The following PARVG variants were observed in gnomAD, a reference collection of about 807,000 sequenced individuals.
The protein encoded by PARVG is gamma-parvin.
A neutral mutation model predicts 44.4 loss-of-function variants in PARVG; 36 were observed. The observed-to-expected ratio is 0.81, with a 90% confidence interval of 0.62 to 1.07. The LOEUF (loss-of-function observed/expected upper bound fraction) is 1.07. Ranked by LOEUF, PARVG falls within the 50% of genes least tolerant of loss-of-function variation. PARVG has a pLI of 0.00. For missense variants in PARVG, 407 were observed against 407.4 expected (o/e 1.00, Z 0.01); for synonymous variants, 170 against 174.1 (o/e 0.98, Z 0.19).
At chr22:44,197,446 G>A (rs1363532477) in intron 11 of PARVG, among the ~76,000 whole-genome samples, 1 of 152,330 alleles carries the variant, frequency 6.6e-6, no homozygotes, top group Non-Finnish European at 1.5e-5. Context: ...GTGATAAGTA[G>A]TGGACCTGGG....
chr22:44,188,100 C>T lies in PARVG; in HGVS notation c.247+222C>T. On this transcript the variant is annotated intron_variant, in intron 5 of 13. Coordinates refer to ENST00000444313, the MANE Select transcript of PARVG (RefSeq NM_022141.7). ...TGGGGCTCAGGGTGGGGCTCTGACG[C>T]CAGGGTTGGTGCTCTTTCTACCACA... 9 of 589,424 alleles carry T rather than the reference C, an allele frequency of 1.5e-5. No homozygotes were observed. The South Asian group carries it at 1.6e-4, about 10-fold the overall frequency. The allele number at this position is 589,424 out of a possible 1,614,324, so 36.5% of individuals were successfully genotyped here.
chr22:44,192,151 GT>G, intron 8 of PARVG, 47 bp downstream of exon 8: 1 of 1,593,894 alleles, frequency 6.3e-7, no homozygotes, highest in Non-Finnish European at 8.6e-7. Flanking sequence ...GCTCACAGCG[GT>G]GGATGGGGGC....
intron 13 of PARVG, 73 bp from the exon 14 acceptor site, chr22:44,206,244 C>T: frequency 9.0e-7 from 1 of 1,109,252 alleles, no homozygotes; most frequent in Non-Finnish European, 1.4e-6. Flanking sequence ...GCCAGGAAAC[C>T]TTGACCACAT....
At chr22:44,205,972 T>C (rs1215897448) in intron 13 of PARVG, 143 bp downstream of exon 13, 2 of 1,021,986 alleles carry the variant, frequency 2.0e-6, no homozygotes, top group Admixed American at 2.1e-5. Context: ...GAATGGGCGC[T>C]TGCCAAGGTT....
At chr22:44,187,966 C>T in intron 5 of PARVG, 88 bp downstream of exon 5, 1 of 1,318,164 alleles carries the variant, frequency 7.6e-7, no homozygotes, top group Middle Eastern at 1.8e-4. Flanking sequence ...CTCTCTCCTT[C>T]AGTCCCCACA....
chr22:44,181,422 G>C, intron 1 of PARVG: 1 of 983,658 alleles, frequency 1.0e-6, no homozygotes, highest in Non-Finnish European at 1.2e-6. Context: ...GCCCGGGGCG[G>C]GGTGTGGAGG....
At position 44,189,319 on chromosome 22, in the gene PARVG, G is replaced by C. The variant is rs919446228; in HGVS notation, c.388+65G>C. 10 of 1,578,334 alleles carry C rather than the reference G, an allele frequency of 6.3e-6. No individual in the cohort carries two copies. The Admixed American group carries it at 1.6e-4, about 26-fold the overall frequency. On this transcript the variant is annotated intron_variant, in intron 6 of 13. Coordinates refer to ENST00000444313, the MANE Select transcript of PARVG (RefSeq NM_022141.7). Reference sequence around the variant, plus strand: ...GGCCGCTGGGGTCCTTCTGCTTCAGGCTTCTCACCCACCAGGAAGGCGCAC... The same window carrying C: ...GGCCGCTGGGGTCCTTCTGCTTCAGCCTTCTCACCCACCAGGAAGGCGCAC...
In PARVG at chr22:44,206,544, C is replaced by T; in HGVS notation, c.*118C>T. The T allele has an allele frequency of 1.2e-6, 1 of 835,218 alleles. No homozygotes were observed. The allele number at this position is 835,218 out of a possible 1,614,324, so 51.7% of individuals were successfully genotyped here. A position where few individuals can be genotyped will look rare whatever the true frequency, so the allele number is the denominator to read the frequency against. On this transcript the variant is annotated 3_prime_UTR_variant, in exon 14 of 14. Coordinates refer to ENST00000444313, the MANE Select transcript of PARVG (RefSeq NM_022141.7). ...GTGCATTCGTGACCCGCTTCCCTCC[C>T]ACCCTGTCTCCTGTCTCCATCGTTG... is the stretch of plus-strand genomic sequence containing the variant.
upstream of PARVG, among the ~76,000 whole-genome samples, chr22:44,176,020 A>G (rs2054316022): frequency 6.6e-6 from 1 of 152,148 alleles, no homozygotes; most frequent in South Asian, 2.1e-4. Context: ...TGTTTTCGAA[A>G]CATCCACACA....
Position 44,196,150 on chromosome 22 carries a change from T to G in PARVG, c.584-5T>G, listed in dbSNP as rs571194661. 1 of 1,614,186 alleles carries G rather than the reference T, an allele frequency of 6.2e-7. No individual in the cohort carries two copies. Among genetic ancestry groups the G allele is most frequent in the African/African-American group, 1.3e-5 (1 of 75,062 alleles). ...ATGAGGTGTTTATTGGATCTGTGTC[T>G]GCAGAGGACGTCTTTGATGAATTAT... is the stretch of plus-strand genomic sequence containing the variant. On this transcript the variant is annotated splice_polypyrimidine_tract_variant and splice_region_variant and intron_variant, in intron 9 of 13. Coordinates refer to ENST00000444313, the MANE Select transcript of PARVG (RefSeq NM_022141.7).
intron 6 of PARVG, 55 bp from the exon 7 acceptor site, chr22:44,190,496 G>C: frequency 7.5e-7 from 1 of 1,333,956 alleles, no homozygotes; most frequent in Non-Finnish European, 1.1e-6. Context: ...GCCTCCATTT[G>C]GCTGCACGTT....
chr22:44,208,021 G>A lies in PARVG; in HGVS notation c.*1595G>A, dbSNP rs2054802582. 1.3e-5 allele frequency: 2 copies of A among 152,130 alleles called. No individual in the cohort carries two copies. Among genetic ancestry groups the A allele is most frequent in the African/African-American group, 4.8e-5 (2 of 41,340 alleles). 9.4% of individuals were successfully genotyped at this position (152,130 alleles called of 1,614,324 possible). On this transcript the variant is annotated 3_prime_UTR_variant, in exon 14 of 14. Coordinates refer to ENST00000444313, the MANE Select transcript of PARVG (RefSeq NM_022141.7). ...CTCCAGCACCTCAAATCCTCTCCTG[G>A]AGCTTCTGGGGACACAGGCTCAGCC...
In PARVG at chr22:44,193,821, C is replaced by T; in HGVS notation, c.581C>T (p.Pro194Leu). ...TEYSTDKDEPPKDVFDELFKL... is the reference protein window; with the variant it reads ...TEYSTDKDEPLKDVFDELFKL... ...CACAGCACAGACAAGGACGAGCCTC[C>T]AAGTGAGTACTTTCATCATTTTTGG... Residue 194 changes from proline (P) to leucine (L), a missense_variant and splice_region_variant, in exon 9 of 14, where the codon CCA becomes CTA. By Grantham distance (98) the Pro-to-Leu change is moderately conservative. Coordinates refer to ENST00000444313, the MANE Select transcript of PARVG (RefSeq NM_022141.7). The T allele has an allele frequency of 6.2e-7, 1 of 1,614,148 alleles. No individual in the cohort carries two copies.
intron 12 of PARVG, among the ~76,000 whole-genome samples, chr22:44,205,143 G>A (rs549548225): frequency 2.0e-4 from 31 of 152,324 alleles, no homozygotes; most frequent in Admixed American, 2.6e-4. Context: ...GGCAAGGGGT[G>A]GCGGAAAGGA....
chr22:44,199,762 A>AG (rs1489195801), intron 12 of PARVG, among the ~76,000 whole-genome samples: 1 of 152,140 alleles, frequency 6.6e-6, no homozygotes, highest in African/African-American at 2.4e-5. Flanking sequence ...GGGCTTGCAG[A>AG]GGGGAGGGAA....
intron 8 of PARVG, among the ~76,000 whole-genome samples, chr22:44,192,535 T>C (rs139141): frequency 0.99 from 150,735 of 151,950 alleles, 74,770 homozygotes; most frequent in Middle Eastern, 1. Flanking sequence ...GGGGTGTGGC[T>C]GTCTTACTCC....
chr22:44,173,442 G>A (rs995165436), intron 1 of PARVG, among the ~76,000 whole-genome samples: 5 of 152,152 alleles, frequency 3.3e-5, no homozygotes, highest in Non-Finnish European at 7.3e-5. Flanking sequence ...CTTGGCACAG[G>A]TCATAGCAGG....
chr22:44,196,081 G>A, intron 9 of PARVG, 74 bp from the exon 10 acceptor site: 1 of 1,464,106 alleles, frequency 6.8e-7, no homozygotes, highest in Non-Finnish European at 9.4e-7. Context: ...AAACTTTTGT[G>A]AAAAAAAAAA....
chr22:44,186,287 T>C (rs1380020081), intron 4 of PARVG: 1 of 329,046 alleles, frequency 3.0e-6, no homozygotes, highest in Non-Finnish European at 6.1e-6. Flanking sequence ...GCCCAAGGTG[T>C]AGGAGAACTG....
Sources: allele counts gnomAD v4.1 joint callset (sites outside exome capture counted in the v4.1 genomes callset), GRCh38; gene constraint gnomAD v4.1.1; transcripts MANE v1.5; gene names NCBI Gene and HGNC (gene_info 2026-07-23, HGNC 2026-07-21).